Variants in FGF14 observed in about 807,000 individuals in gnomAD.
The protein encoded by FGF14 is fibroblast growth factor 14.
A neutral mutation model predicts 25.5 loss-of-function variants in FGF14; 5 were observed. The ratio of observed to expected loss-of-function variants is 0.20; its 90% CI spans 0.10 to 0.41. FGF14 has a LOEUF of 0.41. Among genes scored for constraint, FGF14 ranks in the 10% least tolerant of loss-of-function variants. The pLI, the probability that FGF14 is intolerant of heterozygous loss-of-function variation, is 1.00. For missense variants in FGF14, 222 were observed against 320.1 expected (o/e 0.69, Z 2.34); for synonymous variants, 138 against 118.3 (o/e 1.17, Z -1.08).
At chr13:101,850,310 C>T (rs1310433511) in intron 3 of FGF14, among the ~76,000 whole-genome samples, 2 of 136,062 alleles carry the variant, frequency 1.5e-5, no homozygotes, top group Admixed American at 7.4e-5. Flanking sequence ...AAAAAATAGC[C>T]GGGCATAGTG....
chr13:102,312,210 C>T (rs772131577), intron 1 of FGF14, among the ~76,000 whole-genome samples: 40 of 88,060 alleles, frequency 4.5e-4, no homozygotes, highest in Non-Finnish European at 8.4e-4. Context: ...TGAACAAGTA[C>T]AAGACCTAAA....
At chr13:102,000,447 T>C (rs368187935) in intron 1 of FGF14, among the ~76,000 whole-genome samples, 2 of 152,168 alleles carry the variant, frequency 1.3e-5, no homozygotes, top group African/African-American at 2.4e-5. Flanking sequence ...AGAGGCTGTA[T>C]GGAAGAATAT....
chr13:101,845,251 C>T (rs1036104285), intron 3 of FGF14, among the ~76,000 whole-genome samples: 4 of 151,986 alleles, frequency 2.6e-5, no homozygotes, highest in Non-Finnish European at 4.4e-5. Flanking sequence ...GTTTGCATGT[C>T]GAAGCATTTC....
chr13:101,940,148 T>A (rs2035352683), intron 1 of FGF14, among the ~76,000 whole-genome samples: 1 of 152,236 alleles, frequency 6.6e-6, no homozygotes, highest in Non-Finnish European at 1.5e-5. Context: ...TCCCTAGTTG[T>A]ATCCATGCCT....
At chr13:101,845,611 A>T (rs1362745486) in intron 3 of FGF14, among the ~76,000 whole-genome samples, 2 of 152,066 alleles carry the variant, frequency 1.3e-5, no homozygotes, top group Non-Finnish European at 2.9e-5. Flanking sequence ...TATGAGACAG[A>T]AAGAGAAGGT....
At chr13:101,903,830 G>C (rs529082352) in intron 1 of FGF14, among the ~76,000 whole-genome samples, 3 of 152,184 alleles carry the variant, frequency 2.0e-5, no homozygotes, top group African/African-American at 7.2e-5. Context: ...GGACAGTCCT[G>C]TTCTCCAGAG....
intron 3 of FGF14, among the ~76,000 whole-genome samples, chr13:101,800,056 A>T (rs1179134970): frequency 1.3e-5 from 2 of 152,118 alleles, no homozygotes; most frequent in Non-Finnish European, 2.9e-5. Flanking sequence ...GTCTCCATAG[A>T]GACATAAAAA....
intron 1 of FGF14, among the ~76,000 whole-genome samples, chr13:102,161,667 GAAGAA>G (rs2047748636): frequency 1.2e-4 from 6 of 48,960 alleles, no homozygotes; most frequent in African/African-American, 4.1e-4. Flanking sequence ...AGAAGAAGAA[GAAGAA>G]GAAGAAGAAG....
At chr13:102,210,734 C>T (rs2050121836) in intron 1 of FGF14, among the ~76,000 whole-genome samples, 1 of 152,092 alleles carries the variant, frequency 6.6e-6, no homozygotes, top group South Asian at 2.1e-4. Context: ...TTTAAGAACC[C>T]TACCCAGCAC....
At position 102,065,280 on chromosome 13, in the gene FGF14, A is replaced by C. The variant is rs149549529; in HGVS notation, c.209-189984T>G. Among the ~76,000 whole-genome samples the C allele has an allele frequency of 2.7e-4, 41 of 152,206 alleles. No homozygotes were observed. The East Asian group carries it at 7.5e-3, about 28-fold the overall frequency. On this transcript the variant is annotated intron_variant, in intron 1 of 4. Transcript: ENST00000376131. ...TTTATAATGTCAACTTGTGGCTCAA[A>C]GCAAATCATTCATATACGATCTACT...
intron 1 of FGF14, among the ~76,000 whole-genome samples, chr13:102,023,629 C>T (rs894878427): frequency 6.6e-6 from 1 of 152,030 alleles, no homozygotes. Context: ...CTGACAACAA[C>T]TAATCTATGT....
chr13:101,828,407 C>A (rs932781958), intron 3 of FGF14, among the ~76,000 whole-genome samples: 11 of 151,742 alleles, frequency 7.2e-5, no homozygotes, highest in African/African-American at 2.7e-4. Flanking sequence ...TTTCTATGAC[C>A]AAATGATAAT....
chr13:102,303,266 A>T (rs2055172779), intron 1 of FGF14, among the ~76,000 whole-genome samples: 1 of 152,196 alleles, frequency 6.6e-6, no homozygotes, highest in Non-Finnish European at 1.5e-5. Context: ...CATCCTACAC[A>T]AAACAGCATC....
At chr13:101,972,628 A>G (rs1186041253) in intron 1 of FGF14, among the ~76,000 whole-genome samples, 1 of 151,964 alleles carries the variant, frequency 6.6e-6, no homozygotes, top group Non-Finnish European at 1.5e-5. Flanking sequence ...GACTCATTTC[A>G]ATCTTATTGA....
Position 102,017,115 on chromosome 13 carries a change from A to T in FGF14, c.209-141819T>A, listed in dbSNP as rs149687297. The T allele has an allele frequency of 4.9e-4, 93 of 191,350 alleles. 1 individual carries two copies. In the East Asian group the frequency reaches 0.012, roughly 25 times the overall value. 11.9% of individuals were successfully genotyped at this position (191,350 alleles called of 1,614,324 possible). A position where few individuals can be genotyped will look rare whatever the true frequency, so the allele number is the denominator to read the frequency against. ...TTAACTTTATTAACATCTAGGTAAC[A>T]TCTGTAATATTCCTTGCTCCTCATC... is the stretch of plus-strand genomic sequence containing the variant. On this transcript the variant is annotated intron_variant, in intron 1 of 4. Transcript: ENST00000376131.
chr13:101,855,257 T>G (rs951693087), intron 3 of FGF14, among the ~76,000 whole-genome samples: 1 of 152,038 alleles, frequency 6.6e-6, no homozygotes, highest in Non-Finnish European at 1.5e-5. Context: ...CTGGGCTTTA[T>G]GTGTCTTCAT....
At position 102,345,097 on chromosome 13, in the gene FGF14, A is replaced by G. The variant is rs2057065736; in HGVS notation, c.208+56374T>C. Among the ~76,000 whole-genome samples the G allele has an allele frequency of 2.0e-5, 3 of 152,320 alleles. No individual in the cohort carries two copies. The South Asian group carries it at 6.2e-4, about 32-fold the overall frequency. ...GTCTTAATTCCAGCACTAACTTGCTATAAACATCTGGGGAAAATCACTTAG... is the reference window on the plus strand; with the variant it reads ...GTCTTAATTCCAGCACTAACTTGCTGTAAACATCTGGGGAAAATCACTTAG... On this transcript the variant is annotated intron_variant, in intron 1 of 4. Coordinates refer to the FGF14 transcript ENST00000376131.
intron 3 of FGF14, among the ~76,000 whole-genome samples, chr13:101,857,992 G>T (rs951774319): frequency 6.6e-6 from 1 of 151,838 alleles, no homozygotes; most frequent in South Asian, 2.1e-4. Flanking sequence ...AATTGTTTTA[G>T]TTATTCCTCT....
intron 1 of FGF14, among the ~76,000 whole-genome samples, chr13:102,096,335 C>A (rs1483037138): frequency 4.6e-5 from 7 of 151,904 alleles, no homozygotes; most frequent in Non-Finnish European, 1.0e-4. Flanking sequence ...GAGGACTAGT[C>A]CTCCTTGAAA....
Sources: allele counts gnomAD v4.1 joint callset (sites outside exome capture counted in the v4.1 genomes callset), GRCh38; gene constraint gnomAD v4.1.1; transcripts MANE v1.5; gene names NCBI Gene and HGNC (gene_info 2026-07-23, HGNC 2026-07-21).